MYRIP: variants seen among roughly 807,000 people sequenced by gnomAD.
MYRIP encodes myosin VIIA and Rab interacting protein, also known as rab effector MyRIP.
Under a neutral mutation model 98.0 loss-of-function variants are expected in MYRIP, and 49 were observed. The observed-to-expected ratio is 0.50, with a 90% CI of 0.40 to 0.63. The LOEUF (loss-of-function observed/expected upper bound fraction) is 0.63. MYRIP is among the 30% of genes least tolerant of loss of function. The pLI, the probability that MYRIP is intolerant of heterozygous loss-of-function variation, is 0.00. For synonymous variants in MYRIP, 404 were observed against 409.5 expected (o/e 0.99, Z 0.16); for missense variants, 1,004 against 1,058.2 (o/e 0.95, Z 0.71).
At chr3:40,120,815 CAAAT>C (rs896929253) in intron 3 of MYRIP, among the ~76,000 whole-genome samples, 13 of 152,270 alleles carry the variant, frequency 8.5e-5, no homozygotes, top group Non-Finnish European at 1.6e-4. Flanking sequence ...CTGATTCTGA[CAAAT>C]AAAGAAGCAA....
At chr3:40,054,922 A>T (rs1947853953) in intron 3 of MYRIP, among the ~76,000 whole-genome samples, 1 of 152,228 alleles carries the variant, frequency 6.6e-6, no homozygotes, top group Non-Finnish European at 1.5e-5. Context: ...TTATTAACTC[A>T]CTATAGATTC....
chr3:39,947,024 T>C (rs917208853), intron 2 of MYRIP, among the ~76,000 whole-genome samples: 2 of 152,184 alleles, frequency 1.3e-5, no homozygotes, highest in Non-Finnish European at 1.5e-5. Flanking sequence ...GAATAACTTA[T>C]AAGTATATAA....
At chr3:40,126,653 A>C (rs1385572773) in intron 3 of MYRIP, among the ~76,000 whole-genome samples, 1 of 152,220 alleles carries the variant, frequency 6.6e-6, no homozygotes, top group African/African-American at 2.4e-5. Flanking sequence ...ATAACCTACA[A>C]CCAAATTTGA....
intron 3 of MYRIP, among the ~76,000 whole-genome samples, chr3:40,132,215 C>T (rs1163300072): frequency 6.6e-6 from 1 of 152,084 alleles, no homozygotes. Flanking sequence ...AGAAAATATG[C>T]TGTTGTCTCT....
intron 3 of MYRIP, among the ~76,000 whole-genome samples, chr3:40,105,639 T>C (rs1949037631): frequency 6.6e-6 from 1 of 151,840 alleles, no homozygotes; most frequent in Non-Finnish European, 1.5e-5. Context: ...ATACCCAAGA[T>C]TGGGTAATTT....
chr3:40,029,991 C>T (rs1375108870), intron 2 of MYRIP, among the ~76,000 whole-genome samples: 1 of 151,792 alleles, frequency 6.6e-6, no homozygotes, highest in Non-Finnish European at 1.5e-5. Context: ...GCCCAGGAGT[C>T]CAAGGCTGCA....
chr3:39,940,655 A>G (rs916249761), intron 2 of MYRIP, among the ~76,000 whole-genome samples: 1 of 152,144 alleles, frequency 6.6e-6, no homozygotes, highest in African/African-American at 2.4e-5. Flanking sequence ...TTATTGCTCA[A>G]ATATTTCACT....
In MYRIP at chr3:40,100,695, A is replaced by G. The variant is rs987639446; in HGVS notation, c.333-50353A>G. 2.6e-5 allele frequency among the ~76,000 whole-genome samples: 4 copies of G among 152,194 alleles called. No individual in the cohort carries two copies. In the East Asian group the frequency reaches 5.8e-4, roughly 22 times the overall value. On this transcript the variant is annotated intron_variant, in intron 3 of 16. Transcript: ENST00000302541. ...GCAGGGAGTGGGAAAGTCACATGTGAGTTTAAGAACATTGACTTACTCTGG... is the reference window on the plus strand; with the variant it reads ...GCAGGGAGTGGGAAAGTCACATGTGGGTTTAAGAACATTGACTTACTCTGG...
chr3:40,223,681 G>A (rs1294480041), intron 11 of MYRIP, among the ~76,000 whole-genome samples: 2 of 152,216 alleles, frequency 1.3e-5, no homozygotes, highest in African/African-American at 4.8e-5. Context: ...CTTGTGAGAG[G>A]TGGTAGCCCA....
intron 11 of MYRIP, among the ~76,000 whole-genome samples, chr3:40,214,031 C>T (rs532738488): frequency 8.5e-4 from 129 of 152,294 alleles, no homozygotes; most frequent in Non-Finnish European, 1.6e-3. Context: ...CCTTTCCTGT[C>T]CCACTTCCCC....
chr3:39,998,335 C>G (rs921677679), intron 2 of MYRIP, among the ~76,000 whole-genome samples: 17 of 152,322 alleles, frequency 1.1e-4, no homozygotes, highest in African/African-American at 4.1e-4. Context: ...TCAGCAAAGT[C>G]TCAGGATACA....
intron 2 of MYRIP, among the ~76,000 whole-genome samples, chr3:40,029,983 C>T (rs1407924959): frequency 6.6e-6 from 1 of 151,904 alleles, no homozygotes; most frequent in Non-Finnish European, 1.5e-5. Context: ...TCACTTGAGC[C>T]CAGGAGTCCA....
chr3:39,934,955 C>T (rs1363915938), intron 2 of MYRIP, among the ~76,000 whole-genome samples: 1 of 152,192 alleles, frequency 6.6e-6, no homozygotes, highest in African/African-American at 2.4e-5. Context: ...CTTCCTCCCA[C>T]GACCTGGTGA....
At chr3:39,873,491 A>C (rs917772030) in intron 1 of MYRIP, among the ~76,000 whole-genome samples, 6 of 152,170 alleles carry the variant, frequency 3.9e-5, no homozygotes, top group African/African-American at 9.7e-5. Flanking sequence ...TTAAGTCTTT[A>C]ATCCATCTTG....
intron 8 of MYRIP, among the ~76,000 whole-genome samples, chr3:40,180,345 T>C (rs1022739214): frequency 1.3e-5 from 2 of 152,250 alleles, no homozygotes; most frequent in Non-Finnish European, 2.9e-5. Context: ...CATTCATTGA[T>C]TTCCAATTCT....
rs1365843816 is a variant in MYRIP at position 40,034,526 on chromosome 3, C to A, written c.111-9524C>A. Reference sequence around the variant, plus strand: ...TGCAAATCAAAACCACAATGAGATACCATCTCACACCAGTTAGAATGGCAA... The same window carrying A: ...TGCAAATCAAAACCACAATGAGATAACATCTCACACCAGTTAGAATGGCAA... On this transcript the variant is annotated intron_variant, in intron 2 of 16. Coordinates refer to ENST00000302541, the MANE Select transcript of MYRIP (RefSeq NM_015460.4). 7.9e-5 allele frequency among the ~76,000 whole-genome samples: 12 copies of A among 151,524 alleles called. No individual in the cohort carries two copies. In the East Asian group the frequency reaches 2.4e-3, roughly 30 times the overall value.
intron 2 of MYRIP, among the ~76,000 whole-genome samples, chr3:39,918,566 G>A (rs1036197551): frequency 6.6e-6 from 1 of 152,292 alleles, no homozygotes; most frequent in Admixed American, 6.5e-5. Context: ...TAGGGGCTCA[G>A]GGAAAACTTC....
chr3:40,122,727 A>G (rs1295668189), intron 3 of MYRIP, among the ~76,000 whole-genome samples: 1 of 152,036 alleles, frequency 6.6e-6, no homozygotes, highest in Non-Finnish European at 1.5e-5. Context: ...AGTTGTACAT[A>G]TTTATGGAGT....
Position 40,250,438 on chromosome 3 carries a change from G to T in MYRIP, c.2368-1G>T, listed in dbSNP as rs1337129362. The T allele has an allele frequency of 1.2e-6, 2 of 1,613,962 alleles. No individual in the cohort carries two copies. The highest frequency in any genetic ancestry group is 1.7e-6 in the Non-Finnish European group (2 of 1,179,956). On this transcript the variant is annotated splice_acceptor_variant, in intron 14 of 16. Transcript: ENST00000302541. LOFTEE classifies it high-confidence loss of function. ...TATTGCTCATTGTGTTCTGTTTGTA[G>T]GTACAAACCATAGATACATCAAGGC...
Sources: allele counts gnomAD v4.1 joint callset (sites outside exome capture counted in the v4.1 genomes callset), GRCh38; gene constraint gnomAD v4.1.1; transcripts MANE v1.5; gene names NCBI Gene and HGNC (gene_info 2026-07-23, HGNC 2026-07-21).